SDK1: variants seen among roughly 807,000 people sequenced by gnomAD.
SDK1 encodes protein sidekick-1.
Under a neutral mutation model 245.5 loss-of-function variants are expected in SDK1, and 157 were observed. The observed-to-expected ratio is 0.64, with a 90% confidence interval of 0.56 to 0.73. SDK1 has a LOEUF of 0.73. SDK1 is among the 30% of genes least tolerant of loss of function. The pLI is 0.00. For synonymous variants in SDK1, 1,647 were observed against 1,278.5 expected (o/e 1.29, Z -6.15); for missense variants, 3,583 against 3,002.3 (o/e 1.19, Z -4.52).
intron 4 of SDK1, among the ~76,000 whole-genome samples, chr7:3,751,687 C>G (rs1421035809): frequency 6.6e-6 from 1 of 152,198 alleles, no homozygotes; most frequent in Admixed American, 6.5e-5. Flanking sequence ...GTACCGAGCT[C>G]TGTGATCCAG....
At chr7:3,981,243 C>G (rs572427702) in intron 13 of SDK1, among the ~76,000 whole-genome samples, 1 of 152,240 alleles carries the variant, frequency 6.6e-6, no homozygotes, top group East Asian at 1.9e-4. Flanking sequence ...TTTTGGGACA[C>G]CATGAGCCAC....
At chr7:4,079,032 C>T (rs1034104343) in intron 21 of SDK1, among the ~76,000 whole-genome samples, 1 of 152,206 alleles carries the variant, frequency 6.6e-6, no homozygotes, top group Non-Finnish European at 1.5e-5. Flanking sequence ...ATGCACTCTT[C>T]CCTCCATCCC....
chr7:3,736,428 C>T (rs1303288862), intron 4 of SDK1, among the ~76,000 whole-genome samples: 1 of 152,036 alleles, frequency 6.6e-6, no homozygotes, highest in Non-Finnish European at 1.5e-5. Context: ...AAGTAGCTGC[C>T]ATGCCCAGCT....
chr7:3,695,477 T>C (rs1784544567), intron 4 of SDK1, among the ~76,000 whole-genome samples: 1 of 152,240 alleles, frequency 6.6e-6, no homozygotes, highest in Non-Finnish European at 1.5e-5. Flanking sequence ...GAGTTCCTAC[T>C]TGATAAGCTG....
chr7:3,563,375 C>G (rs1779810526), intron 1 of SDK1, among the ~76,000 whole-genome samples: 1 of 151,984 alleles, frequency 6.6e-6, no homozygotes, highest in Non-Finnish European at 1.5e-5. Flanking sequence ...AAGAGACACA[C>G]TTCAAAAGAA....
intron 4 of SDK1, among the ~76,000 whole-genome samples, chr7:3,735,859 T>G (rs1779303696): frequency 6.6e-6 from 1 of 152,204 alleles, no homozygotes. Context: ...TTATTTATTT[T>G]CTAAATAATG....
intron 35 of SDK1, among the ~76,000 whole-genome samples, chr7:4,202,195 A>T (rs150647562): frequency 1.0e-3 from 158 of 152,184 alleles, no homozygotes; most frequent in African/African-American, 3.7e-3. Context: ...TCTCTCTCTG[A>T]TGAAACTTGT....
intron 4 of SDK1, among the ~76,000 whole-genome samples, chr7:3,771,999 G>T (rs767560495): frequency 5.9e-5 from 9 of 152,066 alleles, no homozygotes; most frequent in Non-Finnish European, 1.0e-4. Flanking sequence ...ATATAAATGG[G>T]ATCATACAGT....
At position 4,027,546 on chromosome 7, in the gene SDK1, T is replaced by C. The variant is rs573905953; in HGVS notation, c.2602+10194T>C. 3.9e-5 allele frequency among the ~76,000 whole-genome samples: 6 copies of C among 152,314 alleles called. No homozygotes were observed. The South Asian group carries it at 8.3e-4, about 21-fold the overall frequency. ...CTCTCCCAGCACCTCCTAATATCAG[T>C]TTATTAATTTTATTTGACATGTTGC... On this transcript the variant is annotated intron_variant, in intron 17 of 44. Transcript: ENST00000404826.
intron 1 of SDK1, among the ~76,000 whole-genome samples, chr7:3,395,773 C>T (rs908186815): frequency 6.6e-6 from 1 of 151,742 alleles, no homozygotes; most frequent in African/African-American, 2.4e-5. Context: ...AATTTGTTGG[C>T]GTAAAGTTGT....
chr7:4,015,020 C>G (rs1053884722), intron 16 of SDK1, among the ~76,000 whole-genome samples: 1 of 152,018 alleles, frequency 6.6e-6, no homozygotes, highest in Non-Finnish European at 1.5e-5. Context: ...TTCCTTATAA[C>G]TCATAGTTAT....
At position 3,418,353 on chromosome 7, in the gene SDK1, C is replaced by G. The variant is rs529769395; in HGVS notation, c.298+116469C>G. On this transcript the variant is annotated intron_variant, in intron 1 of 44. Transcript: ENST00000404826. Reference sequence around the variant, plus strand: ...ACTCCCAAGGCATTATACTATGACTCTTTTCTCAATGGGTAGTGAACAGAA... The same window carrying G: ...ACTCCCAAGGCATTATACTATGACTGTTTTCTCAATGGGTAGTGAACAGAA... Among the ~76,000 whole-genome samples the G allele has an allele frequency of 5.9e-5, 9 of 152,124 alleles. No individual in the cohort carries two copies. The South Asian group carries it at 1.5e-3, about 25-fold the overall frequency.
At chr7:3,917,089 A>G (rs1393636524) in intron 5 of SDK1, among the ~76,000 whole-genome samples, 3 of 152,250 alleles carry the variant, frequency 2.0e-5, no homozygotes, top group Non-Finnish European at 4.4e-5. Context: ...ATTGTTTTCT[A>G]TCAAATGAAT....
intron 31 of SDK1, among the ~76,000 whole-genome samples, chr7:4,159,243 A>G (rs1325866065): frequency 6.6e-6 from 1 of 152,236 alleles, no homozygotes; most frequent in African/African-American, 2.4e-5. Context: ...GAATTTTCCA[A>G]TAAACCAATT....
At chr7:4,175,173 C>T (rs1467135412) in intron 33 of SDK1, among the ~76,000 whole-genome samples, 5 of 152,220 alleles carry the variant, frequency 3.3e-5, no homozygotes, top group Admixed American at 3.3e-4. Context: ...AGCTTGACCC[C>T]AGTACAGCGC....
intron 4 of SDK1, among the ~76,000 whole-genome samples, chr7:3,743,201 CTCATGT>C (rs1779525140): frequency 6.6e-6 from 1 of 152,024 alleles, no homozygotes; most frequent in Non-Finnish European, 1.5e-5. Flanking sequence ...GGTGGGGAGA[CTCATGT>C]GAGGGGTAGT....
chr7:3,475,044 C>T (rs112219176), intron 1 of SDK1, among the ~76,000 whole-genome samples: 32 of 152,156 alleles, frequency 2.1e-4, no homozygotes, highest in African/African-American at 1.9e-4. Flanking sequence ...GGTACTCTCC[C>T]GTCCATTTTC....
At chr7:3,926,122 C>G (rs1270036024) in intron 5 of SDK1, among the ~76,000 whole-genome samples, 3 of 152,084 alleles carry the variant, frequency 2.0e-5, no homozygotes, top group Non-Finnish European at 4.4e-5. Context: ...GGATAAATCC[C>G]TTTTTGTGCA....
In SDK1 at chr7:4,026,987, A is replaced by G. The variant is rs1474087182; in HGVS notation, c.2602+9635A>G. Among the ~76,000 whole-genome samples, 3 of 152,166 alleles carry G rather than the reference A, an allele frequency of 2.0e-5. No individual in the cohort carries two copies. Among genetic ancestry groups the G allele is most frequent in the Non-Finnish European group, 2.9e-5 (2 of 68,034 alleles). On this transcript the variant is annotated intron_variant, in intron 17 of 44. Transcript: ENST00000404826. The surrounding 1 kb of genome is among the most constrained non-coding windows in gnomAD (Gnocchi z 4.1). ...CTGCTGTGTTCTGGATAGATGCATC[A>G]GTCCCTTATAGTTTAAACCATGTAC...
Sources: gnomAD v4.1 joint callset for allele counts (sites outside exome capture counted in the v4.1 genomes callset) on GRCh38, gnomAD v4.1.1 for gene constraint, Gnocchi (gnomAD v3.1) non-coding constraint, MANE v1.5 for transcripts, NCBI Gene and HGNC (gene_info 2026-07-23, HGNC 2026-07-21) for gene names.